The following WNT4 variants were observed in gnomAD, a reference collection of about 807,000 sequenced individuals.
The protein encoded by WNT4 is Wnt family member 4.
A neutral mutation model predicts 34.5 loss-of-function variants in WNT4; 16 were observed. That is an observed-to-expected ratio of 0.46 (90% CI 0.31 to 0.70). WNT4 has a LOEUF of 0.70. Among genes scored for constraint, WNT4 ranks in the 30% least tolerant of loss-of-function variants. The probability of loss-of-function intolerance (pLI) is 0.04; values close to 1 mark genes in which losing one functional copy is unlikely to be tolerated. For synonymous variants in WNT4, 200 were observed against 211.9 expected (o/e 0.94, Z 0.49); for missense variants, 379 against 495.9 (o/e 0.76, Z 2.24).
chr1:22,127,145 G>A, intron 2 of WNT4: 1 of 391,054 alleles, frequency 2.6e-6, no homozygotes, highest in Non-Finnish European at 5.4e-6. Context: ...ACTGGCACCT[G>A]CCGAGTGTGA....
In WNT4 at chr1:22,142,140, A is replaced by T. The variant is rs574369278; in HGVS notation, c.77+706T>A. On this transcript the variant is annotated intron_variant, in intron 1 of 4. Coordinates refer to ENST00000290167, the MANE Select transcript of WNT4 (RefSeq NM_030761.5). The surrounding 1 kb of genome is among the most constrained non-coding windows in gnomAD (Gnocchi z 6.0). ...AGCGCAGATCCAGTCAAGGAGAAAC[A>T]GACAGGTCACCAGCGGTTACCACCC... Among the ~76,000 whole-genome samples the T allele has an allele frequency of 2.0e-5, 3 of 152,288 alleles. No homozygotes were observed. The South Asian group carries it at 6.2e-4, about 32-fold the overall frequency.
Position 22,120,446 on chromosome 1 carries a change from G to A in WNT4, c.660C>T (p.Cys220=). ...GGCGGAAGGGCGGCACGGCTCGCCA[G>A]CACGTCTTTACCTCACAGGAGCCTG... The part of the protein sequence containing the change: ...GVSGSCEVKT[C]WRAVPPFRQV... Residue 220 remains cysteine (C), a synonymous_variant, in exon 5 of 5, where the codon TGC becomes TGT. Coordinates refer to ENST00000290167, the MANE Select transcript of WNT4 (RefSeq NM_030761.5). 6.2e-7 allele frequency: 1 copy of A among 1,613,680 alleles called. No individual in the cohort carries two copies. The highest frequency in any genetic ancestry group is 2.2e-5 in the East Asian group (1 of 44,886).
intron 1 of WNT4, among the ~76,000 whole-genome samples, chr1:22,130,067 T>C (rs1645971439): frequency 1.3e-5 from 2 of 152,008 alleles, no homozygotes; most frequent in African/African-American, 4.8e-5. Context: ...AGCCTCTATC[T>C]CAAGTTCAGC....
intron 2 of WNT4, among the ~76,000 whole-genome samples, chr1:22,124,457 G>A (rs773881188): frequency 1.3e-5 from 2 of 152,158 alleles, no homozygotes; most frequent in African/African-American, 2.4e-5. Flanking sequence ...CTTTTCCAAG[G>A]TGCTAAGGCT....
In WNT4 at chr1:22,121,323, ATGT is replaced by A. The variant is rs1557923122; in HGVS notation, c.473_475del (p.Asn158del). On this transcript the variant is annotated inframe_deletion, in exon 4 of 5. Coordinates refer to ENST00000290167, the MANE Select transcript of WNT4 (RefSeq NM_030761.5). ...CTGTGAGAAGGCCACACCGTAGGCG[ATGT>A]TGTCAGAGCATCCTGACCACTGGAA... is the stretch of plus-strand genomic sequence containing the variant. 1 of 1,614,160 alleles carries A rather than the reference ATGT, an allele frequency of 6.2e-7. No homozygotes were observed. The highest frequency in any genetic ancestry group is 1.1e-5 in the South Asian group (1 of 91,080).
rs996041583 is a variant in WNT4, at chr1:22,137,430, C to G, written c.77+5416G>C. 2.6e-5 allele frequency among the ~76,000 whole-genome samples: 4 copies of G among 152,218 alleles called. No homozygotes were observed. In the East Asian group the frequency reaches 5.8e-4, roughly 22 times the overall value. ...AGTGAAGGGGTGACTGGAGGGCCCA[C>G]GGCAGGCAGCTGTCACCCCACCCAT... On this transcript the variant is annotated intron_variant, in intron 1 of 4. Transcript: ENST00000290167. This position sits in a 1 kb window ranked among gnomAD's most constrained non-coding sequence, Gnocchi z 5.3.
chr1:22,129,964 G>T, intron 1 of WNT4, 113 bp from the exon 2 acceptor site: 2 of 1,245,064 alleles, frequency 1.6e-6, no homozygotes, highest in Non-Finnish European at 2.3e-6. Context: ...CAGTGACTGG[G>T]CCTGGCTGCC....
In WNT4 at chr1:22,137,372, G is replaced by A. The variant is rs529468994; in HGVS notation, c.77+5474C>T. Among the ~76,000 whole-genome samples, 3 of 152,274 alleles carry A rather than the reference G, an allele frequency of 2.0e-5. No individual in the cohort carries two copies. The East Asian group carries it at 5.8e-4, about 29-fold the overall frequency. ...AAATCTGGAGAGCAACCCTGGGGTCGCAGCTCTGCCTGCAGCTGCGCCTGC... is the reference window on the plus strand; with the variant it reads ...AAATCTGGAGAGCAACCCTGGGGTCACAGCTCTGCCTGCAGCTGCGCCTGC... On this transcript the variant is annotated intron_variant, in intron 1 of 4. Transcript: ENST00000290167. This position sits in a 1 kb window ranked among gnomAD's most constrained non-coding sequence, Gnocchi z 5.3.
chr1:22,132,921 A>C (rs1645995305), intron 1 of WNT4, among the ~76,000 whole-genome samples: 1 of 152,258 alleles, frequency 6.6e-6, no homozygotes, highest in East Asian at 1.9e-4. Flanking sequence ...GGAACCGGGC[A>C]CCGGCTCTAG....
chr1:22,140,796 G>T lies in WNT4; in HGVS notation c.77+2050C>A, dbSNP rs1646060362. ...CGGGGGTGGAGCAGGAGTGAGCTGG[G>T]TCATCCAGAGACCTGCTTCGTGGCA... On this transcript the variant is annotated intron_variant, in intron 1 of 4. Transcript: ENST00000290167. The surrounding 1 kb of genome is among the most constrained non-coding windows in gnomAD (Gnocchi z 5.9). Among the ~76,000 whole-genome samples the T allele has an allele frequency of 6.6e-6, 1 of 152,208 alleles. No individual in the cohort carries two copies. Among genetic ancestry groups the T allele is most frequent in the Admixed American group, 6.5e-5 (1 of 15,292 alleles).
chr1:22,128,719 T>C (rs1645959114), intron 2 of WNT4, among the ~76,000 whole-genome samples: 1 of 151,888 alleles, frequency 6.6e-6, no homozygotes, highest in African/African-American at 2.4e-5. Flanking sequence ...TTTCTACTTT[T>C]TTTTTCTTTT....
At chr1:22,126,991 A>G (rs770570092) in intron 2 of WNT4, 1 of 332,384 alleles carries the variant, frequency 3.0e-6, no homozygotes, top group African/African-American at 2.2e-5. Context: ...CTCAGACCTC[A>G]GGAGGGACAA....
chr1:22,123,759 AGCCCCTGG>A (rs1645920309), intron 2 of WNT4, among the ~76,000 whole-genome samples: 2 of 152,158 alleles, frequency 1.3e-5, no homozygotes, highest in African/African-American at 2.4e-5. Context: ...AGAGGCTCTG[AGCCCCTGG>A]GAATACACAT....
At position 22,129,697 on chromosome 1, in the gene WNT4, A is replaced by G; in HGVS notation, c.232T>C (p.Cys78Arg). 1 of 1,613,642 alleles carries G rather than the reference A, an allele frequency of 6.2e-7. No homozygotes were observed. Among genetic ancestry groups the G allele is most frequent in the Non-Finnish European group, 8.5e-7 (1 of 1,179,962 alleles). The change falls in exon 2 of 5, where the codon TGC becomes CGC. Residue 78 changes from cysteine (C) to arginine (R), a missense_variant. Cys to Arg is a radical substitution (Grantham distance 180). Transcript: ENST00000290167. ...RRGAQLAIEE[C>R]QYQFRNRRWN... ...CGCCGGTTCCGGAACTGGTACTGGC[A>G]CTCCTCAATGGCCAGCTGGGCACCG...
Position 22,137,019 on chromosome 1 carries a change from G to A in WNT4, c.77+5827C>T, listed in dbSNP as rs115619996. 1.9e-3 allele frequency among the ~76,000 whole-genome samples: 293 copies of A among 152,250 alleles called. No homozygotes were observed. Among genetic ancestry groups the A allele is most frequent in the African/African-American group, 6.6e-3 (274 of 41,546 alleles). On this transcript the variant is annotated intron_variant, in intron 1 of 4. Coordinates refer to ENST00000290167, the MANE Select transcript of WNT4 (RefSeq NM_030761.5). The surrounding 1 kb of genome is among the most constrained non-coding windows in gnomAD (Gnocchi z 5.3). ...TGAAGGGACCATTCACAGTCATCTC[G>A]GGGAAGGGCCCTGAGGCCCATCAGC...
intron 1 of WNT4, among the ~76,000 whole-genome samples, chr1:22,132,212 G>A (rs2124123166): frequency 6.6e-6 from 1 of 152,338 alleles, no homozygotes; most frequent in African/African-American, 2.4e-5. Flanking sequence ...GCCTCTTGGA[G>A]AAGGGTGGGG....
intron 2 of WNT4, among the ~76,000 whole-genome samples, chr1:22,124,385 C>G (rs532478470): frequency 6.6e-6 from 1 of 152,222 alleles, no homozygotes; most frequent in Non-Finnish European, 1.5e-5. Context: ...CCAGAGCACC[C>G]CTGGCCTCTG....
chr1:22,128,821 A>G (rs10753530), intron 2 of WNT4, among the ~76,000 whole-genome samples: 28,091 of 151,138 alleles, frequency 0.19, 2,781 homozygotes, highest in African/African-American at 0.25. Flanking sequence ...CTGGGTTCAC[A>G]CCATTCTCCT....
Position 22,140,824 on chromosome 1 carries a change from C to T in WNT4, c.77+2022G>A, listed in dbSNP as rs1646060515. On this transcript the variant is annotated intron_variant, in intron 1 of 4. Transcript: ENST00000290167. The surrounding 1 kb of genome is among the most constrained non-coding windows in gnomAD (Gnocchi z 5.9). Reference sequence around the variant, plus strand: ...ATCCAGAGACCTGCTTCGTGGCAACCTGAACCATCACCGTTGCAGAGAACA... The same window carrying T: ...ATCCAGAGACCTGCTTCGTGGCAACTTGAACCATCACCGTTGCAGAGAACA... Among the ~76,000 whole-genome samples, 1 of 152,240 alleles carries T rather than the reference C, an allele frequency of 6.6e-6. No homozygotes were observed. The highest frequency in any genetic ancestry group is 2.4e-5 in the African/African-American group (1 of 41,466).
Sources: allele counts gnomAD v4.1 joint callset (sites outside exome capture counted in the v4.1 genomes callset), GRCh38; gene constraint gnomAD v4.1.1; non-coding constraint Gnocchi (gnomAD v3.1); transcripts MANE v1.5; gene names NCBI Gene and HGNC (gene_info 2026-07-23, HGNC 2026-07-21).